The following SREK1 variants were observed in gnomAD, a reference collection of about 807,000 sequenced individuals.
SREK1 encodes the protein splicing regulatory glutamic acid and lysine rich protein 1.
Under a neutral mutation model 66.5 loss-of-function variants are expected in SREK1, and 13 were observed. The ratio of observed to expected loss-of-function variants is 0.20; its 90% CI spans 0.13 to 0.31. SREK1 has a LOEUF of 0.31. Among genes scored for constraint, SREK1 ranks in the 10% least tolerant of loss-of-function variants. The probability of loss-of-function intolerance (pLI) is 1.00; values close to 1 mark genes in which losing one functional copy is unlikely to be tolerated. For missense variants in SREK1, 607 were observed against 769.6 expected, an observed-to-expected ratio of 0.79 and a Z score of 2.50; for synonymous variants, 265 against 263.5, an observed-to-expected ratio of 1.01 and a Z score of -0.05.
chr5:66,156,327 C>T, intron 2 of SREK1: 1 of 1,291,466 alleles, frequency 7.7e-7, no homozygotes, highest in Non-Finnish European at 9.8e-7. Flanking sequence ...GCTGGTTTTC[C>T]CAGTTCTTTG....
At chr5:66,175,091 T>A (rs1216716029) in intron 10 of SREK1, 50 bp downstream of exon 10, 2 of 1,419,916 alleles carry the variant, frequency 1.4e-6, no homozygotes, top group African/African-American at 2.9e-5. Context: ...CAATAAATAT[T>A]TTTTGAAATT....
chr5:66,144,588 C>T, intron 1 of SREK1, 51 bp downstream of exon 1: 4 of 1,512,610 alleles, frequency 2.6e-6, no homozygotes, highest in South Asian at 2.5e-5. Context: ...ATAGAGACCT[C>T]GGGAGCCGAG....
chr5:66,148,838 A>G (rs1365294585), intron 1 of SREK1, among the ~76,000 whole-genome samples: 3 of 151,858 alleles, frequency 2.0e-5, no homozygotes, highest in African/African-American at 7.3e-5. Context: ...TTTTCCCCCA[A>G]GGTCTTCTTC....
chr5:66,151,463 C>G (rs1290408289), intron 1 of SREK1, among the ~76,000 whole-genome samples: 1 of 152,058 alleles, frequency 6.6e-6, no homozygotes, highest in Non-Finnish European at 1.5e-5. Flanking sequence ...CTAGTGACTC[C>G]TAGGTTTCGG....
At chr5:66,144,589 G>C (rs1484099737) in intron 1 of SREK1, 52 bp downstream of exon 1, 5 of 1,510,858 alleles carry the variant, frequency 3.3e-6, no homozygotes, top group African/African-American at 1.4e-5. Flanking sequence ...TAGAGACCTC[G>C]GGAGCCGAGG....
At chr5:66,153,648 T>C (rs200724753) in intron 2 of SREK1, 52 bp downstream of exon 2, 22 of 1,611,692 alleles carry the variant, frequency 1.4e-5, no homozygotes, top group South Asian at 4.4e-5. Flanking sequence ...CTGTCTGTTA[T>C]TGCCTTTAGC....
In SREK1 at chr5:66,170,876, AAAG is replaced by A. The variant is rs1186447780; in HGVS notation, c.1417_1419del (p.Lys473del). 3 of 1,613,642 alleles carry A rather than the reference AAAG, an allele frequency of 1.9e-6. No homozygotes were observed. Among genetic ancestry groups the A allele is most frequent in the Non-Finnish European group, 1.7e-6 (2 of 1,179,958 alleles). ...GATCCAAAGAGATAGATGAAAAAAG[AAAG>A]AAGGATAAAAAATCCAGAACACCAC... On this transcript the variant is annotated inframe_deletion, in exon 9 of 12. Coordinates refer to ENST00000334121, the MANE Select transcript of SREK1 (RefSeq NM_001077199.3).
Position 66,170,617 on chromosome 5 carries a change from A to T in SREK1, c.1154A>T (p.Lys385Met). ...DKRKDTREKIKEKERVKEKDR... is the reference protein window; with the variant it reads ...DKRKDTREKIMEKERVKEKDR... ...AGAAAAGACACTCGAGAAAAGATCA[A>T]GGAAAAGGAAAGAGTGAAAGAGAAA... The change falls in exon 9 of 12, where the codon AAG (lysine) becomes ATG (methionine). Residue 385 changes from lysine (K) to methionine (M), a missense_variant. Around this residue, in one of 5 missense-constraint regions of SREK1, gnomAD observed 318 missense variants for 310.3 expected, o/e 1.02. Coordinates refer to ENST00000334121, the MANE Select transcript of SREK1 (RefSeq NM_001077199.3). The T allele has an allele frequency of 6.2e-7, 1 of 1,608,590 alleles. No homozygotes were observed. The highest frequency in any genetic ancestry group is 8.5e-7 in the Non-Finnish European group (1 of 1,178,708).
At chr5:66,164,680 A>G in intron 6 of SREK1, 103 bp from the exon 7 acceptor site, 1 of 1,603,980 alleles carries the variant, frequency 6.2e-7, no homozygotes, top group African/African-American at 1.3e-5. Context: ...TACAGAGAGT[A>G]GGCCCCTTGC....
chr5:66,149,335 G>A (rs2111933015), intron 1 of SREK1, among the ~76,000 whole-genome samples: 1 of 151,088 alleles, frequency 6.6e-6, no homozygotes, highest in South Asian at 2.1e-4. Context: ...GGGTGACAGT[G>A]TGAAACTCTG....
intron 8 of SREK1, 79 bp downstream of exon 8, chr5:66,170,249 T>G: frequency 6.8e-7 from 1 of 1,470,666 alleles, no homozygotes; most frequent in Non-Finnish European, 9.1e-7. Context: ...TTTAATTGGC[T>G]TCATTTGTTA....
At chr5:66,148,017 T>C (rs1191524718) in intron 1 of SREK1, among the ~76,000 whole-genome samples, 3 of 152,042 alleles carry the variant, frequency 2.0e-5, no homozygotes, top group Non-Finnish European at 4.4e-5. Context: ...GTTGGATATT[T>C]TGATTGCTTT....
At chr5:66,167,133 A>G (rs1745241434) in intron 7 of SREK1, 1 of 152,160 alleles carries the variant, frequency 6.6e-6, no homozygotes, top group Non-Finnish European at 1.5e-5. Flanking sequence ...AAATGCTTCT[A>G]GAGCCATGCT....
At chr5:66,164,589 T>A in intron 6 of SREK1, 194 bp from the exon 7 acceptor site, 1 of 1,516,558 alleles carries the variant, frequency 6.6e-7, no homozygotes, top group Non-Finnish European at 8.8e-7. Flanking sequence ...AATCATCTGG[T>A]TTATATGTAC....
Position 66,144,405 on chromosome 5 carries a change from G to C in SREK1, c.29G>C (p.Gly10Ala). 1 of 1,550,898 alleles carries C rather than the reference G, an allele frequency of 6.4e-7. No individual in the cohort carries two copies. Among genetic ancestry groups the C allele is most frequent in the Non-Finnish European group, 8.7e-7 (1 of 1,146,652 alleles). The change falls in exon 1 of 12, where the codon GGC (glycine) becomes GCC (alanine). Residue 10 changes from glycine to alanine, a missense_variant. This residue lies in a region of SREK1 where 75 missense variants were observed against 72.9 expected (regional missense o/e 1.03). Coordinates refer to ENST00000334121, the MANE Select transcript of SREK1 (RefSeq NM_001077199.3). MNSGGGFGL[G>A]LGFGLTPTSV... ...AACAGCGGCGGCGGCTTCGGTTTGG[G>C]CTTAGGCTTCGGCCTCACCCCCACG...
intron 1 of SREK1, among the ~76,000 whole-genome samples, chr5:66,151,914 CG>C (rs1743862112): frequency 7.4e-6 from 1 of 135,286 alleles, no homozygotes; most frequent in Admixed American, 8.4e-5. Context: ...GGCGCAATCT[CG>C]GCTCACTGCA....
Position 66,182,114 on chromosome 5 carries a change from A to AT in SREK1, c.*3249dup, listed in dbSNP as rs1006552371. 5.3e-5 allele frequency: 8 copies of AT among 152,140 alleles called. No individual in the cohort carries two copies. The highest frequency in any genetic ancestry group is 1.9e-4 in the African/African-American group (8 of 41,420). The allele number at this position is 152,140 out of a possible 1,614,324, so 9.4% of individuals were successfully genotyped here. A position where few individuals can be genotyped will look rare whatever the true frequency, so the allele number is the denominator to read the frequency against. ...TAATCTGTTAGAAATAAAGAGCATG[A>AT]TTTAATTATTGTTGAATTAACAATT... On this transcript the variant is annotated 3_prime_UTR_variant, in exon 12 of 12. Coordinates refer to ENST00000334121, the MANE Select transcript of SREK1 (RefSeq NM_001077199.3).
chr5:66,168,289 G>A (rs1745330195), intron 7 of SREK1: 1 of 152,084 alleles, frequency 6.6e-6, no homozygotes, highest in Non-Finnish European at 1.5e-5. Flanking sequence ...AAAAACAAAA[G>A]ATTTTGTTAT....
rs978257934 is a variant in SREK1, at chr5:66,181,910, G to C, written c.*3042G>C. The stretch of plus-strand genomic sequence containing the variant: ...AAAAGGTTTTTTTGTCGGGGGGGGG[G>C]GGGTCAAGAGAATTTATTTTGTGAT... On this transcript the variant is annotated 3_prime_UTR_variant, in exon 12 of 12. Transcript: ENST00000334121. 24 of 126,942 alleles carry C rather than the reference G, an allele frequency of 1.9e-4. 1 individual carries two copies. Among genetic ancestry groups the C allele is most frequent in the Non-Finnish European group, 3.4e-4 (20 of 58,852 alleles). 7.9% of individuals were successfully genotyped at this position (126,942 alleles called of 1,614,324 possible).
Sources: allele counts gnomAD v4.1 joint callset (sites outside exome capture counted in the v4.1 genomes callset), GRCh38; gene constraint gnomAD v4.1.1; regional missense constraint gnomAD v4.1.1; transcripts MANE v1.5; gene names NCBI Gene and HGNC (gene_info 2026-07-23, HGNC 2026-07-21).